The following SHISA6 variants were observed in gnomAD, a reference collection of about 807,000 sequenced individuals.
SHISA6 encodes the protein protein shisa-6.
Under a neutral mutation model 47.9 loss-of-function variants are expected in SHISA6, and 22 were observed. The observed-to-expected ratio is 0.46, with a 90% confidence interval of 0.33 to 0.66. The LOEUF (loss-of-function observed/expected upper bound fraction) is 0.66, where lower values mean the gene tolerates loss of function less well. Among genes scored for constraint, SHISA6 ranks in the 30% least tolerant of loss-of-function variants. The pLI is 0.02. For missense variants in SHISA6, 680 were observed against 764.6 expected (o/e 0.89, Z 1.30); for synonymous variants, 388 against 337.8 (o/e 1.15, Z -1.63).
chr17:11,449,398 G>A (rs1488626022), intron 3 of SHISA6, among the ~76,000 whole-genome samples: 4 of 151,862 alleles, frequency 2.6e-5, no homozygotes, highest in African/African-American at 7.3e-5. Flanking sequence ...AGCTGAGATC[G>A]TGCTACTGCA....
chr17:11,470,788 T>C (rs1915918016), intron 3 of SHISA6, among the ~76,000 whole-genome samples: 1 of 152,098 alleles, frequency 6.6e-6, no homozygotes, highest in South Asian at 2.1e-4. Context: ...TCATCTCCTA[T>C]CACTGTCTCC....
chr17:11,375,774 C>G (rs909025140), intron 2 of SHISA6, among the ~76,000 whole-genome samples: 6 of 152,114 alleles, frequency 3.9e-5, no homozygotes, highest in Non-Finnish European at 8.8e-5. Context: ...GACGGGAGGT[C>G]GAGGCAGCCT....
At chr17:11,554,874 A>G (rs1416958663) in intron 4 of SHISA6, among the ~76,000 whole-genome samples, 2 of 151,902 alleles carry the variant, frequency 1.3e-5, no homozygotes, top group Non-Finnish European at 2.9e-5. Context: ...TCTGGCCCTG[A>G]GCCCAGCGCA....
At chr17:11,545,494 A>G (rs187046329) in intron 3 of SHISA6, among the ~76,000 whole-genome samples, 2 of 152,326 alleles carry the variant, frequency 1.3e-5, no homozygotes, top group Admixed American at 1.3e-4. Context: ...CAATATTCTG[A>G]TTTTGATATA....
intron 2 of SHISA6, among the ~76,000 whole-genome samples, chr17:11,378,377 T>C (rs915928567): frequency 2.6e-5 from 4 of 152,212 alleles, no homozygotes; most frequent in Non-Finnish European, 5.9e-5. Flanking sequence ...GTTTGAATTT[T>C]TACAGCACTG....
At chr17:11,419,103 T>C (rs901836265) in intron 3 of SHISA6, among the ~76,000 whole-genome samples, 4 of 151,920 alleles carry the variant, frequency 2.6e-5, no homozygotes, top group Non-Finnish European at 4.4e-5. Flanking sequence ...TTAGGAGATA[T>C]ACCTAATGCA....
chr17:11,412,631 T>C (rs1022927292), intron 3 of SHISA6, among the ~76,000 whole-genome samples: 1 of 151,868 alleles, frequency 6.6e-6, no homozygotes, highest in Non-Finnish European at 1.5e-5. Flanking sequence ...AAGCTCCACC[T>C]CCCAGGTTCA....
chr17:11,434,697 C>T (rs1914888613), intron 3 of SHISA6, among the ~76,000 whole-genome samples: 1 of 152,124 alleles, frequency 6.6e-6, no homozygotes, highest in African/African-American at 2.4e-5. Context: ...TGTTATTTAA[C>T]TGGTACCTAT....
At chr17:11,524,910 C>T (rs1223628296) in intron 3 of SHISA6, among the ~76,000 whole-genome samples, 1 of 152,106 alleles carries the variant, frequency 6.6e-6, no homozygotes, top group Non-Finnish European at 1.5e-5. Context: ...GAGATTATCT[C>T]GCTGTATTTT....
intron 3 of SHISA6, among the ~76,000 whole-genome samples, chr17:11,530,548 T>C (rs1263242529): frequency 6.6e-6 from 1 of 152,176 alleles, no homozygotes; most frequent in Non-Finnish European, 1.5e-5. Flanking sequence ...CAGAGTTGTT[T>C]TTAGCGAGGA....
At chr17:11,338,288 C>T (rs1030888716) in intron 2 of SHISA6, among the ~76,000 whole-genome samples, 7 of 152,188 alleles carry the variant, frequency 4.6e-5, no homozygotes, top group Non-Finnish European at 1.0e-4. Context: ...CTTCTAGCCC[C>T]AAAGTGATAG....
chr17:11,482,429 C>G (rs1352780739), intron 3 of SHISA6, among the ~76,000 whole-genome samples: 1 of 152,136 alleles, frequency 6.6e-6, no homozygotes, highest in Non-Finnish European at 1.5e-5. Context: ...ACCGGCCAAC[C>G]AAGGTATCAT....
At chr17:11,315,491 C>T (rs9904000) in intron 2 of SHISA6, among the ~76,000 whole-genome samples, 136,454 of 152,152 alleles carry the variant, frequency 0.9, 61,338 homozygotes, top group East Asian at 1. Context: ...TAACAGGCAT[C>T]CCTTATAGAA....
chr17:11,422,001 AATT>A lies in SHISA6; in HGVS notation c.895+42498_895+42500del, dbSNP rs145154497. Among the ~76,000 whole-genome samples the A allele has an allele frequency of 3.3e-5, 5 of 152,206 alleles. No homozygotes were observed. In the East Asian group the frequency reaches 7.7e-4, roughly 24 times the overall value. On this transcript the variant is annotated intron_variant, in intron 3 of 5. Transcript: ENST00000441885. Reference sequence around the variant, plus strand: ...CCATCTGAGGGGAGGAGGGGAGAAGAATTATTATGTCAGCGCTTGTCTCCCTTT... The same window carrying A: ...CCATCTGAGGGGAGGAGGGGAGAAGAATTATGTCAGCGCTTGTCTCCCTTT...
At chr17:11,297,133 A>G (rs771398425) in intron 2 of SHISA6, among the ~76,000 whole-genome samples, 2 of 152,092 alleles carry the variant, frequency 1.3e-5, no homozygotes, top group Non-Finnish European at 2.9e-5. Context: ...GGGCATATGG[A>G]ATCAAGAACG....
chr17:11,479,281 T>C (rs926041247), intron 3 of SHISA6, among the ~76,000 whole-genome samples: 9 of 151,992 alleles, frequency 5.9e-5, no homozygotes, highest in African/African-American at 2.2e-4. Flanking sequence ...TATGAAGCCA[T>C]AAAAAAGAAT....
At chr17:11,404,023 A>G (rs189842448) in intron 3 of SHISA6, among the ~76,000 whole-genome samples, 55 of 152,294 alleles carry the variant, frequency 3.6e-4, no homozygotes, top group Non-Finnish European at 1.3e-4. Flanking sequence ...ATTCCTGCAC[A>G]TGAGGGCTGA....
At chr17:11,498,801 G>C (rs1473477574) in intron 3 of SHISA6, among the ~76,000 whole-genome samples, 2 of 152,192 alleles carry the variant, frequency 1.3e-5, no homozygotes, top group African/African-American at 4.8e-5. Flanking sequence ...CTGTGGACTT[G>C]TAGGACCTAC....
chr17:11,524,081 AAAAGAAAG>A (rs146511716), intron 3 of SHISA6, among the ~76,000 whole-genome samples: 10 of 151,222 alleles, frequency 6.6e-5, no homozygotes, highest in South Asian at 2.1e-4. Context: ...GAAAGAAAGA[AAAAGAAAG>A]AAAGAAAGAA....
Sources: allele counts gnomAD v4.1 joint callset (sites outside exome capture counted in the v4.1 genomes callset), GRCh38; gene constraint gnomAD v4.1.1; transcripts MANE v1.5; gene names NCBI Gene and HGNC (gene_info 2026-07-23, HGNC 2026-07-21).